LRP1B: variants seen among roughly 807,000 people sequenced by gnomAD.
The protein encoded by LRP1B is LDL receptor related protein 1B.
A neutral mutation model predicts 556.6 loss-of-function variants in LRP1B; 217 were observed. That is an observed-to-expected ratio of 0.39 (90% CI 0.35 to 0.44). The LOEUF (loss-of-function observed/expected upper bound fraction) is 0.44, where lower values mean the gene tolerates loss of function less well. Among genes scored for constraint, LRP1B ranks in the 20% least tolerant of loss-of-function variants. The pLI is 1.00. For synonymous variants in LRP1B, 2,047 were observed against 1,865.8 expected, an observed-to-expected ratio of 1.10 and a Z score of -2.50; for missense variants, 5,053 against 5,620.8, an observed-to-expected ratio of 0.90 and a Z score of 3.23.
At chr2:141,929,720 C>G (rs1700434205) in intron 1 of LRP1B, among the ~76,000 whole-genome samples, 1 of 151,838 alleles carries the variant, frequency 6.6e-6, no homozygotes, top group African/African-American at 2.4e-5. Context: ...ATTCTTCTTT[C>G]TTAGGACAGA....
chr2:141,431,513 A>AT (rs1680563119), intron 3 of LRP1B, among the ~76,000 whole-genome samples: 2 of 152,152 alleles, frequency 1.3e-5, no homozygotes, highest in African/African-American at 4.8e-5. Context: ...CTGCTGGTTA[A>AT]TTTTTGCAGA....
Position 142,039,703 on chromosome 2 carries a change from C to T in LRP1B, c.82+90945G>A, listed in dbSNP as rs559881171. On this transcript the variant is annotated intron_variant, in intron 1 of 90. Transcript: ENST00000389484. Reference sequence around the variant, plus strand: ...AAAAGTAGAAGCAACAATATAAACACGTGCTTTTATGAATCAGTGTTTAGT... The same window carrying T: ...AAAAGTAGAAGCAACAATATAAACATGTGCTTTTATGAATCAGTGTTTAGT... Among the ~76,000 whole-genome samples, 35 of 151,564 alleles carry T rather than the reference C, an allele frequency of 2.3e-4. 1 individual carries two copies. The South Asian group carries it at 5.6e-3, about 24-fold the overall frequency.
At chr2:141,098,630 T>G (rs894913743) in intron 7 of LRP1B, among the ~76,000 whole-genome samples, 1 of 152,122 alleles carries the variant, frequency 6.6e-6, no homozygotes, top group African/African-American at 2.4e-5. Flanking sequence ...AATTCATATA[T>G]TTAGTATCAT....
At chr2:141,296,161 A>T (rs1253344113) in intron 3 of LRP1B, among the ~76,000 whole-genome samples, 1 of 152,194 alleles carries the variant, frequency 6.6e-6, no homozygotes, top group African/African-American at 2.4e-5. Context: ...TTTTTTAAGG[A>T]ATTTAGTGAT....
At chr2:141,266,046 C>T (rs773504175) in intron 3 of LRP1B, among the ~76,000 whole-genome samples, 4 of 152,034 alleles carry the variant, frequency 2.6e-5, no homozygotes, top group Non-Finnish European at 5.9e-5. Context: ...CATGTCTGGC[C>T]AGGCGCGGTG....
intron 7 of LRP1B, among the ~76,000 whole-genome samples, chr2:141,096,633 A>AGAGG (rs1558858169): frequency 2.4e-5 from 1 of 40,986 alleles, no homozygotes; most frequent in Non-Finnish European, 5.1e-5. Flanking sequence ...AGAGGGGGAG[A>AGAGG]GAGAGAGAGA....
chr2:140,625,859 A>G (rs1683639535), intron 41 of LRP1B, among the ~76,000 whole-genome samples: 1 of 152,180 alleles, frequency 6.6e-6, no homozygotes, highest in Non-Finnish European at 1.5e-5. Flanking sequence ...ATGATCCAGC[A>G]TTCATTCACC....
intron 2 of LRP1B, among the ~76,000 whole-genome samples, chr2:141,709,468 C>T (rs946955787): frequency 2.0e-5 from 3 of 152,022 alleles, no homozygotes; most frequent in Non-Finnish European, 4.4e-5. Flanking sequence ...AAATGGGCAG[C>T]GATGCATTTT....
chr2:141,331,702 G>A (rs542241577), intron 3 of LRP1B, among the ~76,000 whole-genome samples: 1 of 152,130 alleles, frequency 6.6e-6, no homozygotes, highest in Admixed American at 6.5e-5. Context: ...GGGAGGATAG[G>A]GAGCATTCTT....
intron 43 of LRP1B, among the ~76,000 whole-genome samples, chr2:140,579,915 G>T (rs1021621718): frequency 1.3e-5 from 2 of 152,138 alleles, no homozygotes; most frequent in African/African-American, 4.8e-5. Context: ...TTTCATTTCT[G>T]CTTTCCTTCT....
rs752023885 is a variant in LRP1B at position 140,536,715 on chromosome 2, A to AG, written c.7514-7dup. ...GTTGCAGGAGGAATTTTTAGCTGCAAGAAAAAAAAAAAAAGTCAATACTTT... is the reference window on the plus strand; with the variant it reads ...GTTGCAGGAGGAATTTTTAGCTGCAAGGAAAAAAAAAAAAAGTCAATACTTT... On this transcript the variant is annotated splice_region_variant and splice_polypyrimidine_tract_variant and intron_variant, in intron 45 of 90. Transcript: ENST00000389484. 6.3e-7 allele frequency: 1 copy of AG among 1,581,484 alleles called. No individual in the cohort carries two copies. Among genetic ancestry groups the AG allele is most frequent in the Non-Finnish European group, 8.6e-7 (1 of 1,168,632 alleles).
intron 7 of LRP1B, among the ~76,000 whole-genome samples, chr2:141,115,458 G>GTTTTTTTTTTTTTTT (rs70991138): frequency 2.2e-4 from 26 of 120,382 alleles, no homozygotes; most frequent in Non-Finnish European, 3.3e-4. Flanking sequence ...TTTTGTTTTT[G>GTTTTTTTTTTTTTTT]TTTTTTTTTT....
intron 1 of LRP1B, among the ~76,000 whole-genome samples, chr2:142,078,702 T>A (rs1455558925): frequency 6.6e-6 from 1 of 152,174 alleles, no homozygotes; most frequent in East Asian, 1.9e-4. Flanking sequence ...AAATATTATT[T>A]ACTTTCAGTT....
intron 2 of LRP1B, among the ~76,000 whole-genome samples, chr2:141,521,469 G>A (rs1370022793): frequency 6.6e-6 from 1 of 150,594 alleles, no homozygotes; most frequent in Non-Finnish European, 1.5e-5. Flanking sequence ...GATCCATAGT[G>A]TAAAAAACTA....
At chr2:142,070,446 A>G (rs1347853807) in intron 1 of LRP1B, among the ~76,000 whole-genome samples, 2 of 151,826 alleles carry the variant, frequency 1.3e-5, no homozygotes, top group African/African-American at 4.8e-5. Flanking sequence ...TCTAACACAA[A>G]TCATGTCTTT....
At chr2:140,509,416 A>G (rs1689559098) in intron 52 of LRP1B, among the ~76,000 whole-genome samples, 1 of 152,116 alleles carries the variant, frequency 6.6e-6, no homozygotes, top group Non-Finnish European at 1.5e-5. Context: ...TGCTCCTCTG[A>G]TCCCTCAGCT....
At chr2:141,043,787 A>G (rs542854726) in intron 11 of LRP1B, among the ~76,000 whole-genome samples, 11 of 152,180 alleles carry the variant, frequency 7.2e-5, no homozygotes, top group African/African-American at 2.6e-4. Flanking sequence ...TGGTAAAATT[A>G]TAATTCATAT....
In LRP1B at chr2:141,229,382, G is replaced by A. The variant is rs2105294258; in HGVS notation, c.651C>T (p.Phe217=). The A allele has an allele frequency of 6.2e-7, 1 of 1,608,616 alleles. No individual in the cohort carries two copies. The highest frequency in any genetic ancestry group is 8.5e-7 in the Non-Finnish European group (1 of 1,175,588). The stretch of plus-strand genomic sequence containing the variant: ...TTGCCATTTTACTTCCATTAAGATA[G>A]AAAACCTCAATTGTTTCAAAATTTG... ...LIANFETIEV[F]YLNGSKMATL... The change falls in exon 6 of 91, where the codon TTC becomes TTT. Residue 217 remains phenylalanine, a synonymous_variant. Coordinates refer to ENST00000389484, the MANE Select transcript of LRP1B (RefSeq NM_018557.3).
intron 7 of LRP1B, among the ~76,000 whole-genome samples, chr2:141,177,858 T>C (rs1680804032): frequency 6.6e-6 from 1 of 152,120 alleles, no homozygotes; most frequent in African/African-American, 2.4e-5. Context: ...CTCAATTAAA[T>C]AGAGTTAGCC....
Sources: allele counts gnomAD v4.1 joint callset (sites outside exome capture counted in the v4.1 genomes callset), GRCh38; gene constraint gnomAD v4.1.1; transcripts MANE v1.5; gene names NCBI Gene and HGNC (gene_info 2026-07-23, HGNC 2026-07-21).